Variants in PRKCE observed in about 807,000 individuals in gnomAD.
The protein encoded by PRKCE is protein kinase C epsilon.
PRKCE carries 16 observed loss-of-function variants against 85.4 expected under a neutral mutation model. That is an observed-to-expected ratio of 0.19 (90% CI 0.13 to 0.28). The LOEUF (loss-of-function observed/expected upper bound fraction) is 0.28, where lower values mean the gene tolerates loss of function less well. Ranked by LOEUF, PRKCE falls within the 10% of genes least tolerant of loss-of-function variation. The pLI, the probability that PRKCE is intolerant of heterozygous loss-of-function variation, is 1.00. For missense variants in PRKCE, 573 were observed against 975.2 expected (o/e 0.59, Z 5.49); for synonymous variants, 388 against 371.5 (o/e 1.04, Z -0.51).
chr2:46,134,269 A>G (rs1386708799), intron 11 of PRKCE, among the ~76,000 whole-genome samples: 2 of 152,154 alleles, frequency 1.3e-5, no homozygotes, highest in African/African-American at 2.4e-5. Context: ...CCCTGCCCTC[A>G]TGGAATGGTC....
At chr2:45,851,688 A>G (rs1692271318) in intron 2 of PRKCE, 1 of 152,230 alleles carries the variant, frequency 6.6e-6, no homozygotes, top group Non-Finnish European at 1.5e-5. Context: ...CCATTCACAG[A>G]GTGACTTGCC....
intron 1 of PRKCE, among the ~76,000 whole-genome samples, chr2:45,830,072 CAAAAAA>C (rs34553119): frequency 4.8e-4 from 52 of 108,888 alleles, no homozygotes; most frequent in African/African-American, 1.6e-3. Flanking sequence ...GACTCCGTCT[CAAAAAA>C]AAAAAAAAAA....
chr2:46,092,255 CA>C (rs1346494901), intron 11 of PRKCE, among the ~76,000 whole-genome samples: 4 of 152,180 alleles, frequency 2.6e-5, no homozygotes, highest in African/African-American at 7.2e-5. Context: ...GAATAATTAA[CA>C]TTTGTCATTT....
rs1450228960 is a variant in PRKCE, at chr2:46,041,374, A to G, written c.1437+30857A>G. On this transcript the variant is annotated intron_variant, in intron 10 of 14. Transcript: ENST00000306156. The surrounding 1 kb of genome is among the most constrained non-coding windows in gnomAD (Gnocchi z 5.5). ...GCTTTGATTTTCTTAAGTCATGTAT[A>G]TTTATAGAGCCACATACACCTGTTA... Among the ~76,000 whole-genome samples the G allele has an allele frequency of 6.6e-6, 1 of 152,240 alleles. No homozygotes were observed. The highest frequency in any genetic ancestry group is 1.9e-4 in the East Asian group (1 of 5,204).
intron 2 of PRKCE, among the ~76,000 whole-genome samples, chr2:45,954,984 G>T (rs1297785214): frequency 6.6e-6 from 1 of 152,116 alleles, no homozygotes; most frequent in Non-Finnish European, 1.5e-5. Context: ...ATGGGGTGAG[G>T]TTGGGAAGAA....
chr2:45,719,776 C>T (rs1195707830), intron 1 of PRKCE, among the ~76,000 whole-genome samples: 1 of 152,112 alleles, frequency 6.6e-6, no homozygotes, highest in African/African-American at 2.4e-5. Flanking sequence ...AATACCCAGA[C>T]TGGCCAAGTG....
At chr2:45,949,668 T>G (rs1700488093) in intron 2 of PRKCE, among the ~76,000 whole-genome samples, 1 of 152,102 alleles carries the variant, frequency 6.6e-6, no homozygotes, top group African/African-American at 2.4e-5. Flanking sequence ...AATAAAAGTT[T>G]TTATGTTTTG....
chr2:45,680,867 G>A (rs757533182), intron 1 of PRKCE, among the ~76,000 whole-genome samples: 1 of 152,162 alleles, frequency 6.6e-6, no homozygotes, highest in Non-Finnish European at 1.5e-5. Context: ...TCTTATACAG[G>A]ATATTTGCTC....
chr2:45,985,531 C>G (rs780961932), intron 6 of PRKCE, among the ~76,000 whole-genome samples: 3 of 151,918 alleles, frequency 2.0e-5, no homozygotes, highest in Non-Finnish European at 4.4e-5. Flanking sequence ...TCATAAATTC[C>G]CATTGTAGAA....
chr2:46,024,179 A>T (rs1254343800), intron 10 of PRKCE, among the ~76,000 whole-genome samples: 2 of 152,198 alleles, frequency 1.3e-5, no homozygotes, highest in African/African-American at 4.8e-5. Flanking sequence ...GGGGTGACTG[A>T]ACTACTTACG....
At chr2:45,909,665 A>G (rs750785632) in intron 2 of PRKCE, among the ~76,000 whole-genome samples, 1 of 152,220 alleles carries the variant, frequency 6.6e-6, no homozygotes, top group Non-Finnish European at 1.5e-5. Context: ...CCCTACCCCC[A>G]TTCTGTGCTT....
intron 11 of PRKCE, among the ~76,000 whole-genome samples, chr2:46,127,644 T>C (rs898247775): frequency 2.0e-5 from 3 of 152,194 alleles, no homozygotes; most frequent in African/African-American, 7.2e-5. Flanking sequence ...TAGTTCTGAG[T>C]TGGTAAATCT....
chr2:46,021,534 G>A (rs1418100985), intron 10 of PRKCE, among the ~76,000 whole-genome samples: 1 of 152,050 alleles, frequency 6.6e-6, no homozygotes, highest in Non-Finnish European at 1.5e-5. Flanking sequence ...AGAAAGCATA[G>A]TCCTCCCTTT....
chr2:46,132,833 TC>T (rs1674597809), intron 11 of PRKCE, among the ~76,000 whole-genome samples: 1 of 152,254 alleles, frequency 6.6e-6, no homozygotes, highest in Non-Finnish European at 1.5e-5. Context: ...AAATCTGTTT[TC>T]TGTCCCTTCA....
Position 45,859,489 on chromosome 2 carries a change from T to C in PRKCE, c.412+16426T>C, listed in dbSNP as rs563837570. Among the ~76,000 whole-genome samples, 280 of 152,362 alleles carry C rather than the reference T, an allele frequency of 1.8e-3. 2 individuals carry two copies. The highest frequency in any genetic ancestry group is 6.6e-3 in the African/African-American group (275 of 41,586). On this transcript the variant is annotated intron_variant, in intron 2 of 14. Coordinates refer to ENST00000306156, the MANE Select transcript of PRKCE (RefSeq NM_005400.3). ...TTATCTTCATGAATATTTGGTATTA[T>C]CAGACTTTTAAGTTTCTACCAGTAT...
At chr2:45,694,731 G>T (rs955890469) in intron 1 of PRKCE, among the ~76,000 whole-genome samples, 5 of 152,218 alleles carry the variant, frequency 3.3e-5, no homozygotes, top group African/African-American at 1.2e-4. Context: ...ATCTTGGGTG[G>T]ATGGCCAATA....
rs551288949 is a variant in PRKCE, at chr2:46,138,197, G to A, written c.1593-6896G>A. On this transcript the variant is annotated intron_variant, in intron 11 of 14. Coordinates refer to ENST00000306156, the MANE Select transcript of PRKCE (RefSeq NM_005400.3). This position sits in a 1 kb window ranked among gnomAD's most constrained non-coding sequence, Gnocchi z 4.2. ...CTTCATTGTGCCATCCTGCCTTGAA[G>A]TGGGTCTGCCCTGGTAGAGTCTGTG... is the stretch of plus-strand genomic sequence containing the variant. Among the ~76,000 whole-genome samples, 8 of 152,234 alleles carry A rather than the reference G, an allele frequency of 5.3e-5. No individual in the cohort carries two copies. The highest frequency in any genetic ancestry group is 1.0e-4 in the Non-Finnish European group (7 of 68,044).
chr2:45,839,329 C>T (rs1052055790), intron 1 of PRKCE, among the ~76,000 whole-genome samples: 5 of 151,870 alleles, frequency 3.3e-5, no homozygotes, highest in African/African-American at 1.2e-4. Context: ...TTTGTCTCCC[C>T]CAGTTTGACT....
Position 45,999,983 on chromosome 2 carries a change from C to T in PRKCE, c.824-1421C>T, listed in dbSNP as rs144445538. On this transcript the variant is annotated intron_variant, in intron 6 of 14. Transcript: ENST00000306156. ...TAGCATTTCCATCTCTCTGCTTATA[C>T]TGCCCATTTGTTCTTACATGCTGTG... 9.2e-5 allele frequency among the ~76,000 whole-genome samples: 14 copies of T among 152,318 alleles called. 1 individual carries two copies. Among genetic ancestry groups the T allele is most frequent in the African/African-American group, 1.7e-4 (7 of 41,566 alleles).
Sources: gnomAD v4.1 joint callset for allele counts (sites outside exome capture counted in the v4.1 genomes callset) on GRCh38, gnomAD v4.1.1 for gene constraint, Gnocchi (gnomAD v3.1) non-coding constraint, MANE v1.5 for transcripts, NCBI Gene and HGNC (gene_info 2026-07-23, HGNC 2026-07-21) for gene names.